CSMD1: variants seen among roughly 807,000 people sequenced by gnomAD.
The protein encoded by CSMD1 is CUB and sushi domain-containing protein 1.
Under a neutral mutation model 417.5 loss-of-function variants are expected in CSMD1, and 213 were observed. The observed-to-expected ratio is 0.51, with a 90% CI of 0.46 to 0.57. The LOEUF (loss-of-function observed/expected upper bound fraction) is 0.57, where lower values mean the gene tolerates loss of function less well. Ranked by LOEUF, CSMD1 falls within the 20% of genes least tolerant of loss-of-function variation. CSMD1 has a pLI of 0.00. For missense variants in CSMD1, 6,923 were observed against 4,529.7 expected, an observed-to-expected ratio of 1.53 and a Z score of -15.17; for synonymous variants, 2,862 against 1,736.8, an observed-to-expected ratio of 1.65 and a Z score of -16.11.
At chr8:4,793,897 T>C (rs1472396486) in intron 1 of CSMD1, among the ~76,000 whole-genome samples, 1 of 151,444 alleles carries the variant, frequency 6.6e-6, no homozygotes, top group East Asian at 1.9e-4. Context: ...TCAGGTAGCA[T>C]GTCTGATGAA....
At chr8:3,854,007 CAT>C (rs752576021) in intron 5 of CSMD1, among the ~76,000 whole-genome samples, 139 of 143,268 alleles carry the variant, frequency 9.7e-4, no homozygotes, top group Non-Finnish European at 1.5e-3. Flanking sequence ...TGATACATAA[CAT>C]ATAAAATATT....
intron 10 of CSMD1, among the ~76,000 whole-genome samples, chr8:3,528,850 C>T (rs955602088): frequency 6.6e-6 from 1 of 152,172 alleles, no homozygotes; most frequent in African/African-American, 2.4e-5. Flanking sequence ...AGAATGCCAA[C>T]TAAATGAGTT....
intron 31 of CSMD1, among the ~76,000 whole-genome samples, chr8:3,203,910 G>A (rs1797116800): frequency 6.6e-6 from 1 of 152,138 alleles, no homozygotes; most frequent in African/African-American, 2.4e-5. Context: ...ACATCACCCC[G>A]TAGTGTCTGG....
At chr8:4,464,982 TTC>T (rs1225603609) in intron 2 of CSMD1, among the ~76,000 whole-genome samples, 1 of 152,100 alleles carries the variant, frequency 6.6e-6, no homozygotes, top group Admixed American at 6.6e-5. Flanking sequence ...CCAGAATGAC[TTC>T]TTTTTCCTGA....
At position 4,078,313 on chromosome 8, in the gene CSMD1, C is replaced by CTTT. The variant is rs34359373; in HGVS notation, c.416-46217_416-46215dup. ...CCATAATGATGAGTTTGATATCCAA[C>CTTT]TTTTTTTTTTTTTTTTTTTGAGAGG... On this transcript the variant is annotated intron_variant, in intron 3 of 69. Transcript: ENST00000635120. Among the ~76,000 whole-genome samples, 1,089 of 131,216 alleles carry CTTT rather than the reference C, an allele frequency of 8.3e-3. 24 individuals are homozygous for CTTT. The highest frequency in any genetic ancestry group is 0.026 in the African/African-American group (887 of 34,248). The allele number at this position is 131,216 out of a possible 152,430, so 86.1% of individuals were successfully genotyped here.
chr8:4,196,590 G>A (rs1299102630), intron 3 of CSMD1, among the ~76,000 whole-genome samples: 1 of 152,130 alleles, frequency 6.6e-6, no homozygotes. Flanking sequence ...ATTCTCTGGG[G>A]TCATAGCCTT....
intron 49 of CSMD1, among the ~76,000 whole-genome samples, chr8:3,070,623 T>C (rs958155418): frequency 2.6e-5 from 4 of 152,210 alleles, no homozygotes; most frequent in Non-Finnish European, 4.4e-5. Flanking sequence ...CTCATTTCCA[T>C]CTGAGACCCC....
intron 3 of CSMD1, among the ~76,000 whole-genome samples, chr8:4,279,535 A>G (rs1470952451): frequency 1.3e-5 from 2 of 152,180 alleles, no homozygotes; most frequent in Non-Finnish European, 2.9e-5. Flanking sequence ...GGTTAGTGCA[A>G]CTTTAGCAAT....
intron 10 of CSMD1, among the ~76,000 whole-genome samples, chr8:3,543,251 C>G (rs6992493): frequency 0.047 from 7,154 of 152,178 alleles, 488 homozygotes; most frequent in African/African-American, 0.15. Context: ...TGACGTAGAG[C>G]AGAGGTGAGG....
At chr8:3,660,893 G>T (rs189740848) in intron 7 of CSMD1, among the ~76,000 whole-genome samples, 1 of 152,086 alleles carries the variant, frequency 6.6e-6, no homozygotes, top group Non-Finnish European at 1.5e-5. Flanking sequence ...CAGATTTTTT[G>T]TATACACAGC....
At chr8:3,873,723 A>G (rs995750472) in intron 5 of CSMD1, among the ~76,000 whole-genome samples, 3 of 152,228 alleles carry the variant, frequency 2.0e-5, no homozygotes, top group Non-Finnish European at 4.4e-5. Flanking sequence ...AAATAAATAA[A>G]AAGCCTTTTT....
intron 49 of CSMD1, among the ~76,000 whole-genome samples, chr8:3,078,641 T>A (rs975772291): frequency 2.0e-5 from 3 of 152,148 alleles, no homozygotes; most frequent in African/African-American, 7.2e-5. Context: ...GTGAAAAACT[T>A]AAAGACAAAG....
chr8:4,167,704 G>C (rs138939275), intron 3 of CSMD1, among the ~76,000 whole-genome samples: 211 of 152,232 alleles, frequency 1.4e-3, no homozygotes, highest in Non-Finnish European at 2.3e-3. Flanking sequence ...ATGATAAATA[G>C]TCAGGCTGGG....
At chr8:3,653,239 C>T (rs1443025825) in intron 7 of CSMD1, among the ~76,000 whole-genome samples, 1 of 151,930 alleles carries the variant, frequency 6.6e-6, no homozygotes, top group Non-Finnish European at 1.5e-5. Context: ...TACATTGTCT[C>T]ATATAAATAT....
intron 3 of CSMD1, among the ~76,000 whole-genome samples, chr8:4,319,185 C>CCAG (rs1258063570): frequency 6.6e-6 from 1 of 152,104 alleles, no homozygotes; most frequent in East Asian, 1.9e-4. Flanking sequence ...TCAATTTCCC[C>CCAG]CAGTAATTCC....
intron 3 of CSMD1, among the ~76,000 whole-genome samples, chr8:4,281,401 C>G (rs1796777529): frequency 6.6e-6 from 1 of 152,096 alleles, no homozygotes; most frequent in South Asian, 2.1e-4. Context: ...CAAAAAACAG[C>G]TTTAAATTAT....
At chr8:3,806,118 T>C (rs995989879) in intron 5 of CSMD1, among the ~76,000 whole-genome samples, 2 of 152,128 alleles carry the variant, frequency 1.3e-5, no homozygotes, top group African/African-American at 4.8e-5. Flanking sequence ...GTTGTAGTAT[T>C]TATGAAAGCA....
chr8:4,284,376 C>A, intron 3 of CSMD1, among the ~76,000 whole-genome samples: 1 of 135,234 alleles, frequency 7.4e-6, no homozygotes, highest in Non-Finnish European at 1.6e-5. Flanking sequence ...CCCCCCCCAC[C>A]CACCCTCCCC....
intron 49 of CSMD1, among the ~76,000 whole-genome samples, chr8:3,058,245 T>A (rs1812365682): frequency 6.6e-6 from 1 of 152,232 alleles, no homozygotes; most frequent in Non-Finnish European, 1.5e-5. Context: ...TCTATAGTTG[T>A]CTGTATTAAA....
Sources: allele counts gnomAD v4.1 joint callset (sites outside exome capture counted in the v4.1 genomes callset), GRCh38; gene constraint gnomAD v4.1.1; transcripts MANE v1.5; gene names NCBI Gene and HGNC (gene_info 2026-07-23, HGNC 2026-07-21).